TMEM39A: variants seen among roughly 807,000 people sequenced by gnomAD.
TMEM39A encodes transmembrane protein 39A.
TMEM39A carries 19 observed loss-of-function variants against 51.9 expected under a neutral mutation model. The observed-to-expected ratio is 0.37, with a 90% CI of 0.26 to 0.54. TMEM39A has a LOEUF of 0.54. TMEM39A is among the 20% of genes least tolerant of loss of function. The probability of loss-of-function intolerance (pLI) is 0.88; values close to 1 mark genes in which losing one functional copy is unlikely to be tolerated. For synonymous variants in TMEM39A, 197 were observed against 220.2 expected (o/e 0.89, Z 0.93); for missense variants, 433 against 590.5 (o/e 0.73, Z 2.76).
rs2081160347 is a variant in TMEM39A at position 119,448,740 on chromosome 3, T to A, written c.421-1568A>T. ...GTAAAGTTATTTAAGCTATTGGAGT[T>A]ACTCTATTACCTCCTTCTCAAAAGT... On this transcript the variant is annotated intron_variant, in intron 4 of 8. Coordinates refer to ENST00000319172, the MANE Select transcript of TMEM39A (RefSeq NM_018266.3). Among the ~76,000 whole-genome samples, 3 of 152,096 alleles carry A rather than the reference T, an allele frequency of 2.0e-5. No homozygotes were observed. In the South Asian group the frequency reaches 6.2e-4, roughly 32 times the overall value.
intron 7 of TMEM39A, chr3:119,435,961 T>C (rs1222892565): frequency 6.2e-6 from 8 of 1,282,362 alleles, no homozygotes; most frequent in Non-Finnish European, 8.1e-6. Flanking sequence ...AGGCAGATAA[T>C]TGAAGGGAGA....
rs116073400 is a variant in TMEM39A at position 119,441,458 on chromosome 3, A to G, written c.576-3355T>C. The stretch of plus-strand genomic sequence containing the variant: ...ATGGTCTGGATCGACCAGCCACGAC[A>G]TTGCCCTAAACCAAAGCCTAATCCA... On this transcript the variant is annotated intron_variant, in intron 5 of 8. Coordinates refer to ENST00000319172, the MANE Select transcript of TMEM39A (RefSeq NM_018266.3). Among the ~76,000 whole-genome samples, 1,187 of 152,356 alleles carry G rather than the reference A, an allele frequency of 7.8e-3. 20 individuals are homozygous for G. Among genetic ancestry groups the G allele is most frequent in the South Asian group, 0.072 (346 of 4,830 alleles).
chr3:119,458,912 AAAGAATATAAAAATAGATTT>A (rs1299134215), intron 2 of TMEM39A, among the ~76,000 whole-genome samples: 1 of 152,158 alleles, frequency 6.6e-6, no homozygotes, highest in African/African-American at 2.4e-5. Context: ...AAAACCAAAA[AAAGAATATAAAAATAGATTT>A]AAGAATCTAT....
chr3:119,439,899 C>A (rs1476020531), intron 5 of TMEM39A, among the ~76,000 whole-genome samples: 1 of 151,970 alleles, frequency 6.6e-6, no homozygotes, highest in African/African-American at 2.4e-5. Flanking sequence ...TCCTAAGTAG[C>A]TAGGACTACA....
intron 4 of TMEM39A, chr3:119,451,328 T>C (rs1014704615): frequency 1.6e-6 from 2 of 1,283,154 alleles, no homozygotes; most frequent in African/African-American, 1.5e-5. Flanking sequence ...CTTCCATGTA[T>C]GTTTTGGGAA....
At chr3:119,449,760 G>A (rs1214348558) in intron 4 of TMEM39A, among the ~76,000 whole-genome samples, 1 of 152,078 alleles carries the variant, frequency 6.6e-6, no homozygotes, top group Non-Finnish European at 1.5e-5. Context: ...TTTTTAAAAA[G>A]AGAGTTGCTT....
At chr3:119,454,870 AATGTGCTTATG>A (rs1004796706) in intron 3 of TMEM39A, among the ~76,000 whole-genome samples, 115 of 152,308 alleles carry the variant, frequency 7.6e-4, no homozygotes, top group African/African-American at 2.5e-3. Flanking sequence ...TGAAAATGGT[AATGTGCTTATG>A]ATTAACTCTT....
intron 2 of TMEM39A, among the ~76,000 whole-genome samples, chr3:119,460,711 A>G (rs963678728): frequency 6.6e-6 from 1 of 152,220 alleles, no homozygotes; most frequent in Non-Finnish European, 1.5e-5. Context: ...GTCAAAGAGA[A>G]CGAACAAAGA....
At chr3:119,437,407 C>T (rs2080984553) in intron 6 of TMEM39A, among the ~76,000 whole-genome samples, 1 of 151,762 alleles carries the variant, frequency 6.6e-6, no homozygotes, top group South Asian at 2.1e-4. Context: ...TCCTGATAAC[C>T]ATGTTAAGAT....
At chr3:119,437,533 A>G (rs1249653140) in intron 6 of TMEM39A, among the ~76,000 whole-genome samples, 1 of 151,494 alleles carries the variant, frequency 6.6e-6, no homozygotes, top group Non-Finnish European at 1.5e-5. Flanking sequence ...TAAAAAAAAA[A>G]AAAAAAAGAA....
At chr3:119,443,087 A>AAAC (rs199691444) in intron 5 of TMEM39A, among the ~76,000 whole-genome samples, 2 of 133,536 alleles carry the variant, frequency 1.5e-5, no homozygotes, top group East Asian at 2.2e-4. Flanking sequence ...AAAAAAAAAA[A>AAAC]GTGAAGCCTG....
intron 5 of TMEM39A, among the ~76,000 whole-genome samples, chr3:119,443,869 C>T (rs1327491715): frequency 1.3e-5 from 2 of 151,974 alleles, no homozygotes; most frequent in Non-Finnish European, 2.9e-5. Flanking sequence ...TGCACCACTG[C>T]ACTCCAGCCT....
rs1283332638 is a variant in TMEM39A at position 119,430,868 on chromosome 3, T to C, written c.*1113A>G. The C allele has an allele frequency of 1.3e-5, 2 of 152,226 alleles. No individual in the cohort carries two copies. Among genetic ancestry groups the C allele is most frequent in the South Asian group, 2.1e-4 (1 of 4,828 alleles). The allele number at this position is 152,226 out of a possible 1,614,324, so 9.4% of individuals were successfully genotyped here. A position where few individuals can be genotyped will look rare whatever the true frequency, so the allele number is the denominator to read the frequency against. On this transcript the variant is annotated 3_prime_UTR_variant, in exon 9 of 9. Coordinates refer to ENST00000319172, the MANE Select transcript of TMEM39A (RefSeq NM_018266.3). ...AACCAAACTCAGCACAGAAAACATA[T>C]GACAATATATTTTAGATTCTCTAAG...
rs375203636 is a variant in TMEM39A at position 119,461,932 on chromosome 3, A to C, written c.113+30T>G. Reference sequence around the variant, plus strand: ...TAGTCTTACTGATCAAAGGACATTAAAATTATATATAGCCTTATTTTTTCT... The same window carrying C: ...TAGTCTTACTGATCAAAGGACATTACAATTATATATAGCCTTATTTTTTCT... On this transcript the variant is annotated intron_variant, in intron 2 of 8. Transcript: ENST00000319172. The C allele has an allele frequency of 7.0e-5, 108 of 1,553,770 alleles. No individual in the cohort carries two copies. In the African/African-American group the frequency reaches 1.3e-3, roughly 19 times the overall value.
intron 5 of TMEM39A, among the ~76,000 whole-genome samples, chr3:119,441,864 T>C (rs1338195832): frequency 2.6e-5 from 4 of 152,228 alleles, no homozygotes. Flanking sequence ...TAACTTTAAG[T>C]GGAAGCCAAT....
At chr3:119,448,953 T>C (rs1234252898) in intron 4 of TMEM39A, among the ~76,000 whole-genome samples, 1 of 152,218 alleles carries the variant, frequency 6.6e-6, no homozygotes, top group Non-Finnish European at 1.5e-5. Flanking sequence ...CTTATGAAGC[T>C]GACTAACCAA....
chr3:119,461,468 T>C (rs1329115267), intron 2 of TMEM39A, among the ~76,000 whole-genome samples: 1 of 152,218 alleles, frequency 6.6e-6, no homozygotes, highest in Non-Finnish European at 1.5e-5. Flanking sequence ...CTTGAGCAAA[T>C]ACTTCATTAG....
intron 5 of TMEM39A, 177 bp downstream of exon 5, chr3:119,446,841 A>G (rs2081132017): frequency 1.4e-6 from 1 of 708,768 alleles, no homozygotes. Flanking sequence ...TGTTGTCCCA[A>G]CTGTACTCCA....
At chr3:119,453,507 A>T (rs2081225542) in intron 3 of TMEM39A, among the ~76,000 whole-genome samples, 1 of 152,194 alleles carries the variant, frequency 6.6e-6, no homozygotes, top group Non-Finnish European at 1.5e-5. Flanking sequence ...CCTTGCAAAA[A>T]CTACTTTTAG....
Sources: allele counts gnomAD v4.1 joint callset (sites outside exome capture counted in the v4.1 genomes callset), GRCh38; gene constraint gnomAD v4.1.1; transcripts MANE v1.5; gene names NCBI Gene and HGNC (gene_info 2026-07-23, HGNC 2026-07-21).